DNAH3: variants seen among roughly 807,000 people sequenced by gnomAD.
The protein encoded by DNAH3 is dynein axonemal heavy chain 3, also known as axonemal beta dynein heavy chain 3.
A neutral mutation model predicts 432.5 loss-of-function variants in DNAH3; 332 were observed. The ratio of observed to expected loss-of-function variants is 0.77; its 90% CI spans 0.70 to 0.84. The LOEUF is 0.84. Ranked by LOEUF, DNAH3 falls within the 40% of genes least tolerant of loss-of-function variation. The pLI is 0.00. For synonymous variants in DNAH3, 1,956 were observed against 1,900.2 expected (o/e 1.03, Z -0.76); for missense variants, 4,861 against 5,114.0 (o/e 0.95, Z 1.51).
At chr16:20,970,541 C>A (rs986151313) in intron 51 of DNAH3, among the ~76,000 whole-genome samples, 2 of 152,074 alleles carry the variant, frequency 1.3e-5, no homozygotes, top group Non-Finnish European at 2.9e-5. Flanking sequence ...AAAACAAAAA[C>A]AAAACAAAAA....
At chr16:20,941,588 C>T in intron 58 of DNAH3, 45 bp from the exon 59 acceptor site, 1 of 1,606,042 alleles carries the variant, frequency 6.2e-7, no homozygotes, top group South Asian at 1.1e-5. Flanking sequence ...GCAAGCCCTA[C>T]AGGCTGTGGC....
rs1466074634 is a variant in DNAH3 at position 20,975,222 on chromosome 16, A to G, written c.8259+11T>C. ...GCACCAGTTCCCTCCCTTTCTTCTCAGTCTTTCTACCTTGATTCCTTGGGC... is the reference window on the plus strand; with the variant it reads ...GCACCAGTTCCCTCCCTTTCTTCTCGGTCTTTCTACCTTGATTCCTTGGGC... On this transcript the variant is annotated intron_variant, in intron 51 of 61. Coordinates refer to ENST00000261383, the Ensembl canonical transcript of DNAH3. The G allele has an allele frequency of 1.3e-5, 21 of 1,611,890 alleles. No homozygotes were observed. The highest frequency in any genetic ancestry group is 1.8e-5 in the Non-Finnish European group (21 of 1,179,708).
intron 18 of DNAH3, among the ~76,000 whole-genome samples, chr16:21,089,298 T>TTA (rs2152782301): frequency 1.3e-5 from 2 of 152,324 alleles, no homozygotes; most frequent in South Asian, 4.1e-4. Context: ...AACTTGCTGC[T>TTA]TATCCATGGA....
intron 49 of DNAH3, among the ~76,000 whole-genome samples, chr16:20,982,072 T>C (rs1260900975): frequency 6.7e-6 from 1 of 149,900 alleles, no homozygotes; most frequent in Non-Finnish European, 1.5e-5. Flanking sequence ...CATAAAAGAG[T>C]AAATTTTCAC....
chr16:20,987,707 G>A lies in DNAH3; in HGVS notation c.6868C>T (p.His2290Tyr). ...TAGTGGCTGACCTGCAGGTGTGTGT[G>A]AGGGCACAGCAGGACCCCTTGAATC... The change falls in exon 46 of 62, where the codon CAC (histidine) becomes TAC (tyrosine). Residue 2290 changes from histidine to tyrosine, a missense_variant. By Grantham distance (83) the His-to-Tyr change is moderately conservative. Coordinates refer to ENST00000261383, the Ensembl canonical transcript of DNAH3. The A allele has an allele frequency of 2.5e-6, 4 of 1,614,028 alleles. No individual in the cohort carries two copies. The highest frequency in any genetic ancestry group is 3.4e-6 in the Non-Finnish European group (4 of 1,179,916).
At chr16:21,117,980 G>T (rs917487761) in intron 11 of DNAH3, among the ~76,000 whole-genome samples, 7 of 151,060 alleles carry the variant, frequency 4.6e-5, no homozygotes, top group Non-Finnish European at 8.9e-5. Flanking sequence ...TCTCTCGTGG[G>T]TTTTTTTTTG....
At chr16:20,986,010 C>CAT (rs144619585) in intron 47 of DNAH3, among the ~76,000 whole-genome samples, 2,062 of 152,046 alleles carry the variant, frequency 0.014, 37 homozygotes, top group African/African-American at 0.047. Flanking sequence ...CACCCACCAT[C>CAT]ATGCCTGGCT....
chr16:21,017,011 C>T (rs2087892201), intron 41 of DNAH3, among the ~76,000 whole-genome samples: 1 of 151,752 alleles, frequency 6.6e-6, no homozygotes, highest in Non-Finnish European at 1.5e-5. Context: ...GGAGAAGGGG[C>T]TTTGGGGGAG....
intron 15 of DNAH3, among the ~76,000 whole-genome samples, chr16:21,105,810 C>G (rs2091932030): frequency 6.6e-6 from 1 of 152,076 alleles, no homozygotes; most frequent in Admixed American, 6.6e-5. Context: ...GTAAAATCTA[C>G]TCATTTAAAA....
chr16:21,154,951 CTTTTTT>C (rs772054168), intron 1 of DNAH3, among the ~76,000 whole-genome samples: 3 of 134,680 alleles, frequency 2.2e-5, no homozygotes, highest in African/African-American at 8.2e-5. Flanking sequence ...TTCTTTCTTT[CTTTTTT>C]TTTTTTTTTT....
intron 22 of DNAH3, among the ~76,000 whole-genome samples, chr16:21,070,316 CTT>C (rs1198395716): frequency 6.6e-6 from 1 of 152,092 alleles, no homozygotes; most frequent in Non-Finnish European, 1.5e-5. Flanking sequence ...GAGTTTCACT[CTT>C]GTCGCCCAGG....
chr16:20,939,261 G>A (rs2083711923), intron 59 of DNAH3, among the ~76,000 whole-genome samples: 1 of 152,112 alleles, frequency 6.6e-6, no homozygotes, highest in Non-Finnish European at 1.5e-5. Flanking sequence ...CTCGTCCTAG[G>A]CTCACACCCC....
chr16:20,951,953 C>A (rs1284482529), intron 56 of DNAH3, among the ~76,000 whole-genome samples: 2 of 151,904 alleles, frequency 1.3e-5, no homozygotes, highest in Non-Finnish European at 2.9e-5. Context: ...CCGTGTTACC[C>A]AGGATGGTCT....
chr16:21,093,195 G>A (rs1235472113), intron 18 of DNAH3, among the ~76,000 whole-genome samples: 2 of 152,138 alleles, frequency 1.3e-5, no homozygotes, highest in African/African-American at 2.4e-5. Context: ...AATACAAAAC[G>A]GTACAGCAAC....
intron 31 of DNAH3, among the ~76,000 whole-genome samples, chr16:21,045,861 T>G (rs2089671758): frequency 7.5e-6 from 1 of 134,034 alleles, no homozygotes; most frequent in East Asian, 2.3e-4. Context: ...TCCCAGAGAT[T>G]CTGGTATGTT....
chr16:21,058,981 G>T (rs183460861), intron 26 of DNAH3, among the ~76,000 whole-genome samples: 31 of 151,982 alleles, frequency 2.0e-4, no homozygotes, highest in Admixed American at 1.6e-3. Flanking sequence ...TTCTGCACAT[G>T]TATCCCAGAA....
At chr16:21,124,758 T>C (rs1027826627) in intron 9 of DNAH3, among the ~76,000 whole-genome samples, 10 of 152,106 alleles carry the variant, frequency 6.6e-5, no homozygotes. Context: ...CAAGCAATTC[T>C]CCTGCCTCAG....
At position 21,009,911 on chromosome 16, in the gene DNAH3, AGGAGGGGAGGGGAGG is replaced by A. The variant is rs748139772; in HGVS notation, c.6023-6719_6023-6705del. Reference sequence around the variant, plus strand: ...AAAAGAAAAGAGGAGAGGAGAGGAGAGGAGGGGAGGGGAGGGGAGGGGAGGGGAGGAAAAGAAGGA... The same window carrying A: ...AAAAGAAAAGAGGAGAGGAGAGGAGAGGAGGGGAGGGGAGGAAAAGAAGGA... On this transcript the variant is annotated intron_variant, in intron 41 of 61. Coordinates refer to ENST00000261383, the Ensembl canonical transcript of DNAH3. Among the ~76,000 whole-genome samples, 74 of 67,322 alleles carry A rather than the reference AGGAGGGGAGGGGAGG, an allele frequency of 1.1e-3. 1 individual carries two copies. The East Asian group carries it at 0.018, about 17-fold the overall frequency. The allele number at this position is 67,322 out of a possible 152,430, so 44.2% of individuals were successfully genotyped here. A position where few individuals can be genotyped will look rare whatever the true frequency, so the allele number is the denominator to read the frequency against.
At chr16:21,036,579 T>C (rs2089180774) in intron 35 of DNAH3, 135 bp downstream of exon 35, 8 of 826,908 alleles carry the variant, frequency 9.7e-6, no homozygotes, top group Non-Finnish European at 1.4e-5. Flanking sequence ...TACGCCCAGC[T>C]AATGTTTTAC....
Sources: gnomAD v4.1 joint callset for allele counts (sites outside exome capture counted in the v4.1 genomes callset) on GRCh38, gnomAD v4.1.1 for gene constraint, MANE v1.5 for transcripts, NCBI Gene and HGNC (gene_info 2026-07-23, HGNC 2026-07-21) for gene names.